Variants in RNF214 observed in about 807,000 individuals in gnomAD.
RNF214 encodes ring finger protein 214.
Under a neutral mutation model 75.9 loss-of-function variants are expected in RNF214, and 25 were observed. The ratio of observed to expected loss-of-function variants is 0.33; its 90% CI spans 0.24 to 0.46. The LOEUF is 0.46. RNF214 is among the 20% of genes least tolerant of loss of function. The probability of loss-of-function intolerance (pLI) is 1.00; values close to 1 mark genes in which losing one functional copy is unlikely to be tolerated. For synonymous variants in RNF214, 314 were observed against 308.8 expected (o/e 1.02, Z -0.18); for missense variants, 725 against 857.5 (o/e 0.85, Z 1.93).
intron 6 of RNF214, among the ~76,000 whole-genome samples, chr11:117,271,646 C>A (rs901455452): frequency 6.6e-6 from 1 of 152,098 alleles, no homozygotes; most frequent in Non-Finnish European, 1.5e-5. Context: ...GATATCCATG[C>A]TAGTATGTGT....
At position 117,246,954 on chromosome 11, in the gene RNF214, T is replaced by G; in HGVS notation, c.959+6T>G. The G allele has an allele frequency of 6.3e-7, 1 of 1,599,612 alleles. No homozygotes were observed. The highest frequency in any genetic ancestry group is 1.7e-4 in the Middle Eastern group (1 of 5,946). On this transcript the variant is annotated splice_donor_region_variant and intron_variant, in intron 6 of 14. Coordinates refer to ENST00000300650, the MANE Select transcript of RNF214 (RefSeq NM_207343.4). Reference sequence around the variant, plus strand: ...CTTTGTGAGAAGGGCAGAAGGTAACTGATGTTAAGAATAAAAACCCTGTGT... The same window carrying G: ...CTTTGTGAGAAGGGCAGAAGGTAACGGATGTTAAGAATAAAAACCCTGTGT...
chr11:117,283,246 T>C (rs1461488131), intron 14 of RNF214, 36 bp downstream of exon 14: 2 of 1,360,416 alleles, frequency 1.5e-6, no homozygotes, highest in East Asian at 2.3e-5. Flanking sequence ...TTCTACACTT[T>C]TTCTTCTGAC....
At chr11:117,273,101 T>C (rs374174791) in intron 6 of RNF214, among the ~76,000 whole-genome samples, 1 of 152,110 alleles carries the variant, frequency 6.6e-6, no homozygotes, top group African/African-American at 2.4e-5. Flanking sequence ...GTAAATCTCT[T>C]TCATGGAAGA....
intron 1 of RNF214, 163 bp downstream of exon 1, chr11:117,232,889 T>A (rs1447048065): frequency 2.3e-4 from 9 of 39,752 alleles, no homozygotes; most frequent in African/African-American, 7.9e-4. Flanking sequence ...GGCCTAGAAG[T>A]GGGACGGGGG....
At chr11:117,250,566 CAGGT>C (rs2033344559) in intron 6 of RNF214, among the ~76,000 whole-genome samples, 1 of 151,000 alleles carries the variant, frequency 6.6e-6, no homozygotes. Flanking sequence ...ATTTAGATGA[CAGGT>C]AGACATTCAT....
chr11:117,282,261 A>G lies in RNF214; in HGVS notation c.1703A>G (p.Gln568Arg), dbSNP rs2034143747. The change falls in exon 11 of 15, where the codon CAG (glutamine) becomes CGG (arginine). Residue 568 changes from glutamine (Q) to arginine (R), a missense_variant. Gln to Arg is a conservative substitution (Grantham distance 43, BLOSUM62 1). Around this residue, in one of 2 missense-constraint regions of RNF214, gnomAD observed 363 missense variants for 513.0 expected, o/e 0.71. Transcript: ENST00000300650. ...ILEKLLTRFP[Q>R]CNKAQMTNIL... ...GAGAAGCTGCTGACCCGGTTCCCAC[A>G]GTGCAATAAGTAAGTACCTTCAAGG... The G allele has an allele frequency of 4.4e-6, 7 of 1,590,760 alleles. No individual in the cohort carries two copies. Among genetic ancestry groups the G allele is most frequent in the Non-Finnish European group, 6.0e-6 (7 of 1,167,620 alleles).
At position 117,244,855 on chromosome 11, in the gene RNF214, C is replaced by T. The variant is rs1377236688; in HGVS notation, c.819+270C>T. On this transcript the variant is annotated intron_variant, in intron 5 of 14. Transcript: ENST00000300650. ...TCATTTTTTGTATTTTTGGTAGAGACGGGGTTTTGTCATGTTGCCCAGGCT... is the reference window on the plus strand; with the variant it reads ...TCATTTTTTGTATTTTTGGTAGAGATGGGGTTTTGTCATGTTGCCCAGGCT... Among the ~76,000 whole-genome samples the T allele has an allele frequency of 3.3e-5, 5 of 151,718 alleles. No homozygotes were observed. In the South Asian group the frequency reaches 8.3e-4, roughly 25 times the overall value.
At chr11:117,234,540 G>A (rs2032847326) in intron 2 of RNF214, among the ~76,000 whole-genome samples, 161 bp downstream of exon 2, 1 of 152,194 alleles carries the variant, frequency 6.6e-6, no homozygotes, top group African/African-American at 2.4e-5. Context: ...ATCCAACACA[G>A]CACCTGATAC....
intron 6 of RNF214, among the ~76,000 whole-genome samples, chr11:117,251,067 C>T (rs1240035902): frequency 6.6e-6 from 1 of 150,868 alleles, no homozygotes; most frequent in Admixed American, 6.6e-5. Context: ...CCCCACCTTT[C>T]CCCCCTTTCT....
chr11:117,273,061 T>A (rs1449746640), intron 6 of RNF214, among the ~76,000 whole-genome samples: 3 of 152,156 alleles, frequency 2.0e-5, no homozygotes, highest in African/African-American at 4.8e-5. Flanking sequence ...AAGATCAGTT[T>A]AGTTAGAATA....
Position 117,282,525 on chromosome 11 carries a change from G to A in RNF214, c.1834G>A (p.Ala612Thr). The A allele has an allele frequency of 6.2e-7, 1 of 1,614,012 alleles. No homozygotes were observed. Among genetic ancestry groups the A allele is most frequent in the Non-Finnish European group, 8.5e-7 (1 of 1,179,970 alleles). ...ARLAEHERVA[A>T]STQPLGRIRA... The stretch of plus-strand genomic sequence containing the variant: ...ACTGGCAGAACATGAGCGGGTGGCA[G>A]CAAGTACTCAGGTGAGAAAAGCCAC... Residue 612 changes from alanine (A) to threonine (T), a missense_variant, in exon 12 of 15, where the codon GCA becomes ACA. Physicochemically the swap from Ala to Thr is moderately conservative, Grantham distance 58 (BLOSUM62 0). This residue lies in a region of RNF214 where 363 missense variants were observed against 513.0 expected (regional missense o/e 0.71). Transcript: ENST00000300650.
At chr11:117,234,141 C>A (rs141034679) in intron 1 of RNF214, 126 bp from the exon 2 acceptor site, 2 of 697,002 alleles carry the variant, frequency 2.9e-6, no homozygotes, top group Non-Finnish European at 5.1e-6. Context: ...TATTTTCTCC[C>A]GGAGCCCAGG....
chr11:117,244,880 T>C (rs1343712970), intron 5 of RNF214, among the ~76,000 whole-genome samples: 1 of 151,790 alleles, frequency 6.6e-6, no homozygotes, highest in Non-Finnish European at 1.5e-5. Context: ...TTGCCCAGGC[T>C]GGTCTTGAAC....
chr11:117,236,524 AG>A (rs2032916324), intron 2 of RNF214, among the ~76,000 whole-genome samples: 1 of 151,822 alleles, frequency 6.6e-6, no homozygotes, highest in Non-Finnish European at 1.5e-5. Context: ...CGCCCGCCTC[AG>A]CCTCCCAAAG....
intron 6 of RNF214, among the ~76,000 whole-genome samples, chr11:117,274,355 TC>T (rs1389995426): frequency 2.7e-5 from 3 of 112,414 alleles, no homozygotes; most frequent in Admixed American, 1.0e-4. Flanking sequence ...ACAAATGACT[TC>T]TTTTTTTTTT....
chr11:117,285,114 C>T lies in RNF214; in HGVS notation c.2075C>T (p.Thr692Ile), dbSNP rs1363755708. 1 of 1,612,882 alleles carries T rather than the reference C, an allele frequency of 6.2e-7. No individual in the cohort carries two copies. The highest frequency in any genetic ancestry group is 8.5e-7 in the Non-Finnish European group (1 of 1,179,030). ...ECIKFWAQTN[T>I]NDTCPFCPTL... ...ATCAAATTCTGGGCCCAGACCAACA[C>T]AAATGACACTTGTCCCTTTTGTCCA... is the stretch of plus-strand genomic sequence containing the variant. Residue 692 changes from threonine (T) to isoleucine (I), a missense_variant, in exon 15 of 15, where the codon ACA becomes ATA. This residue lies in a region of RNF214 where 363 missense variants were observed against 513.0 expected (regional missense o/e 0.71). Transcript: ENST00000300650.
At chr11:117,260,570 G>A (rs9971587) in intron 6 of RNF214, among the ~76,000 whole-genome samples, 67,823 of 151,334 alleles carry the variant, frequency 0.45, 15,964 homozygotes, top group East Asian at 0.67. Flanking sequence ...CACTTTGGGA[G>A]GTCAAATCAC....
chr11:117,283,840 A>G (rs2134425385), intron 14 of RNF214, among the ~76,000 whole-genome samples: 1 of 150,552 alleles, frequency 6.6e-6, no homozygotes, highest in Non-Finnish European at 1.5e-5. Context: ...CTTTTTTAGT[A>G]GAGAGAAGGT....
At chr11:117,252,621 A>C (rs1368624319) in intron 6 of RNF214, among the ~76,000 whole-genome samples, 1 of 152,080 alleles carries the variant, frequency 6.6e-6, no homozygotes, top group Non-Finnish European at 1.5e-5. Flanking sequence ...CCCGGATTCA[A>C]GCGATTCTCC....
Sources: allele counts gnomAD v4.1 joint callset (sites outside exome capture counted in the v4.1 genomes callset), GRCh38; gene constraint gnomAD v4.1.1; regional missense constraint gnomAD v4.1.1; transcripts MANE v1.5; gene names NCBI Gene and HGNC (gene_info 2026-07-23, HGNC 2026-07-21).